ITGB5: variants seen among roughly 807,000 people sequenced by gnomAD.
ITGB5 encodes integrin beta-5.
A neutral mutation model predicts 84.8 loss-of-function variants in ITGB5; 38 were observed. That is an observed-to-expected ratio of 0.45 (90% CI 0.35 to 0.59). The LOEUF (loss-of-function observed/expected upper bound fraction) is 0.59, where lower values mean the gene tolerates loss of function less well. Among genes scored for constraint, ITGB5 ranks in the 20% least tolerant of loss-of-function variants. The probability of loss-of-function intolerance (pLI) is 0.01; values close to 1 mark genes in which losing one functional copy is unlikely to be tolerated. For missense variants in ITGB5, 905 were observed against 1,034.5 expected (o/e 0.87, Z 1.72); for synonymous variants, 393 against 414.4 (o/e 0.95, Z 0.63).
upstream of ITGB5, among the ~76,000 whole-genome samples, chr3:124,892,018 A>C (rs1027032466): frequency 1.2e-4 from 18 of 152,168 alleles, no homozygotes; most frequent in African/African-American, 4.1e-4. Context: ...GCATGGGTGA[A>C]TCTTGAAAAC....
chr3:124,872,303 C>A (rs1376216648), intron 2 of ITGB5, among the ~76,000 whole-genome samples: 1 of 152,164 alleles, frequency 6.6e-6, no homozygotes, highest in Non-Finnish European at 1.5e-5. Context: ...AGCTTTGGCA[C>A]ACTTGTGTGA....
chr3:124,773,870 C>A lies in ITGB5; in HGVS notation c.1736G>T (p.Gly579Val). The A allele has an allele frequency of 1.2e-6, 2 of 1,614,220 alleles. No individual in the cohort carries two copies. The highest frequency in any genetic ancestry group is 1.3e-5 in the African/African-American group (1 of 75,074). The change falls in exon 11 of 15, where the codon GGT becomes GTT. Residue 579 changes from glycine to valine, a missense_variant. Around this residue, in one of 3 missense-constraint regions of ITGB5, gnomAD observed 116 missense variants for 177.0 expected, o/e 0.66. Coordinates refer to ENST00000296181, the MANE Select transcript of ITGB5 (RefSeq NM_002213.5). ...CHCGECKCHA[G>V]YIGDNCNCST... The stretch of plus-strand genomic sequence containing the variant: ...GCAGTTACAGTTGTCCCCGATGTAA[C>A]CTGCATGGCACTTGCATTCCCCGCA...
At chr3:124,786,888 GA>G (rs1254626344) in intron 10 of ITGB5, among the ~76,000 whole-genome samples, 1 of 152,138 alleles carries the variant, frequency 6.6e-6, no homozygotes, top group African/African-American at 2.4e-5. Context: ...CTAAGAAATG[GA>G]ACAAAAGAAT....
intron 5 of ITGB5, among the ~76,000 whole-genome samples, chr3:124,835,428 C>T (rs2064921256): frequency 1.3e-5 from 2 of 152,270 alleles, no homozygotes; most frequent in African/African-American, 4.8e-5. Context: ...AACAACCCTA[C>T]AGGGCAGAGG....
At chr3:124,849,596 A>T (rs905448324) in intron 3 of ITGB5, among the ~76,000 whole-genome samples, 1 of 152,192 alleles carries the variant, frequency 6.6e-6, no homozygotes, top group Non-Finnish European at 1.5e-5. Flanking sequence ...CTCTATCGAA[A>T]AAAGAAAACA....
chr3:124,861,495 T>TAC (rs1553766077), intron 2 of ITGB5, among the ~76,000 whole-genome samples: 1,233 of 111,956 alleles, frequency 0.011, 8 homozygotes, highest in Middle Eastern at 0.019. Flanking sequence ...TATATATATA[T>TAC]ACACACACAC....
At chr3:124,899,115 G>T (rs1328939210) in intron 1 of ITGB5, among the ~76,000 whole-genome samples, 1 of 151,824 alleles carries the variant, frequency 6.6e-6, no homozygotes, top group South Asian at 2.1e-4. Flanking sequence ...GAAGAAAAAA[G>T]AAAGAAAGAA....
rs775404360 is a variant in ITGB5 at position 124,781,572 on chromosome 3, G to A, written c.1694-7660C>T. On this transcript the variant is annotated intron_variant, in intron 10 of 14. Coordinates refer to ENST00000296181, the MANE Select transcript of ITGB5 (RefSeq NM_002213.5). ...ACAAGGGATCTCAGCTTGGGTCCAGGCACCTCAGTAGCAACTAAATAAATC... is the reference window on the plus strand; with the variant it reads ...ACAAGGGATCTCAGCTTGGGTCCAGACACCTCAGTAGCAACTAAATAAATC... 3.9e-5 allele frequency among the ~76,000 whole-genome samples: 6 copies of A among 152,270 alleles called. 1 individual carries two copies. The South Asian group carries it at 1.0e-3, about 26-fold the overall frequency.
chr3:124,864,970 G>A (rs1354298963), intron 2 of ITGB5, among the ~76,000 whole-genome samples: 1 of 152,224 alleles, frequency 6.6e-6, no homozygotes, highest in Non-Finnish European at 1.5e-5. Flanking sequence ...CCAAGAAGTT[G>A]AAGTTCATCT....
chr3:124,859,203 T>G (rs1418005857), intron 3 of ITGB5, 39 bp downstream of exon 3: 4 of 1,593,888 alleles, frequency 2.5e-6, no homozygotes, highest in Non-Finnish European at 3.4e-6. Context: ...TGGGCCTTCC[T>G]GATCCCAGAG....
intron 9 of ITGB5, among the ~76,000 whole-genome samples, chr3:124,799,375 A>G (rs953122038): frequency 4.6e-5 from 7 of 152,190 alleles, no homozygotes; most frequent in Non-Finnish European, 8.8e-5. Flanking sequence ...CCTGGACAAC[A>G]TGGCAAAACC....
chr3:124,895,022 C>G (rs1208840845), intron 1 of ITGB5, among the ~76,000 whole-genome samples: 1 of 152,078 alleles, frequency 6.6e-6, no homozygotes, highest in Non-Finnish European at 1.5e-5. Context: ...TCATGTGGCC[C>G]ACAGGCCACA....
Position 124,876,020 on chromosome 3 carries a change from T to G in ITGB5, c.71-2489A>C, listed in dbSNP as rs1216540518. The stretch of plus-strand genomic sequence containing the variant: ...GGTGGGATGGAGAAAGGCGAGATGG[T>G]TAAAGGGTACAAAGTTCCAGTTAGA... On this transcript the variant is annotated intron_variant, in intron 1 of 14. Transcript: ENST00000296181. Among the ~76,000 whole-genome samples the G allele has an allele frequency of 2.0e-5, 3 of 152,114 alleles. No individual in the cohort carries two copies. In the South Asian group the frequency reaches 6.2e-4, roughly 32 times the overall value.
chr3:124,812,279 T>C (rs1055238600), intron 8 of ITGB5, among the ~76,000 whole-genome samples: 10 of 152,196 alleles, frequency 6.6e-5, no homozygotes, highest in Non-Finnish European at 1.3e-4. Flanking sequence ...CAAGGTGCAC[T>C]CCTTAGTTCT....
chr3:124,815,827 T>TC (rs1478041590), intron 8 of ITGB5, among the ~76,000 whole-genome samples: 2 of 152,070 alleles, frequency 1.3e-5, no homozygotes, highest in Non-Finnish European at 2.9e-5. Flanking sequence ...GCTTACGTGT[T>TC]CCCCCTCTTC....
At chr3:124,766,072 A>AAG (rs1553752264) in intron 13 of ITGB5, among the ~76,000 whole-genome samples, 154 bp downstream of exon 13, 1 of 151,856 alleles carries the variant, frequency 6.6e-6, no homozygotes, top group African/African-American at 2.4e-5. Context: ...AAAAAAAAAA[A>AAG]AAAAGAAAAA....
chr3:124,832,757 G>A (rs2064878014), intron 5 of ITGB5: 1 of 152,230 alleles, frequency 6.6e-6, no homozygotes, highest in African/African-American at 2.4e-5. Context: ...CTTGTACACA[G>A]TAAGTACTCA....
chr3:124,829,944 G>C (rs566958334), intron 5 of ITGB5, among the ~76,000 whole-genome samples: 2 of 152,174 alleles, frequency 1.3e-5, no homozygotes, highest in Non-Finnish European at 2.9e-5. Flanking sequence ...ATGAAAAGGG[G>C]AAGCAGGAAT....
intron 1 of ITGB5, chr3:124,894,714 C>T (rs1418083497): frequency 6.6e-6 from 1 of 152,164 alleles, no homozygotes; most frequent in African/African-American, 2.4e-5. Flanking sequence ...CATAAACACA[C>T]ACACTATATT....
Sources: allele counts gnomAD v4.1 joint callset (sites outside exome capture counted in the v4.1 genomes callset), GRCh38; gene constraint gnomAD v4.1.1; regional missense constraint gnomAD v4.1.1; transcripts MANE v1.5; gene names NCBI Gene and HGNC (gene_info 2026-07-23, HGNC 2026-07-21).